ITGA1: variants seen among roughly 807,000 people sequenced by gnomAD.
The protein encoded by ITGA1 is integrin alpha-1.
In ITGA1, 85 loss-of-function variants were observed where a neutral mutation model predicts 145.9. That is an observed-to-expected ratio of 0.58 (90% CI 0.49 to 0.70). ITGA1 has a LOEUF of 0.70. Among genes scored for constraint, ITGA1 ranks in the 30% least tolerant of loss-of-function variants. The pLI, the probability that ITGA1 is intolerant of heterozygous loss-of-function variation, is 0.00. For synonymous variants in ITGA1, 520 were observed against 495.3 expected (o/e 1.05, Z -0.66); for missense variants, 1,351 against 1,418.7 (o/e 0.95, Z 0.77).
At chr5:52,896,816 T>C (rs1018111677) in intron 9 of ITGA1, among the ~76,000 whole-genome samples, 4 of 152,144 alleles carry the variant, frequency 2.6e-5, no homozygotes, top group East Asian at 1.9e-4. Flanking sequence ...ACAGGATCTT[T>C]TAAAAATGTA....
chr5:52,834,651 AAAAGAAAGAGAAAGAAAG>A (rs902077282), intron 1 of ITGA1, among the ~76,000 whole-genome samples: 10 of 151,008 alleles, frequency 6.6e-5, no homozygotes, highest in Non-Finnish European at 1.3e-4. Context: ...GAAAGAAAGA[AAAAGAAAGAGAAAGAAAG>A]AAAGAAAGAG....
At chr5:52,915,652 G>C in intron 15 of ITGA1, 58 bp downstream of exon 15, 1 of 1,582,500 alleles carries the variant, frequency 6.3e-7, no homozygotes, top group Non-Finnish European at 8.6e-7. Context: ...AGAGCTCCCA[G>C]TGTGATTGGA....
At chr5:52,801,176 T>C in intron 1 of ITGA1, 2 of 1,486,526 alleles carry the variant, frequency 1.3e-6, no homozygotes, top group Non-Finnish European at 1.8e-6. Flanking sequence ...TGGTATAAAC[T>C]ACTCCTAAAG....
chr5:52,801,611 C>T, intron 1 of ITGA1: 1 of 1,613,786 alleles, frequency 6.2e-7, no homozygotes, highest in Non-Finnish European at 8.5e-7. Flanking sequence ...GCAATTGACA[C>T]ATTGCTCATC....
intron 8 of ITGA1, among the ~76,000 whole-genome samples, chr5:52,889,408 G>C (rs11745366): frequency 0.48 from 73,588 of 152,064 alleles, 18,137 homozygotes; most frequent in South Asian, 0.58. Context: ...AGCCCACTAT[G>C]CATTTAATGA....
chr5:52,804,883 G>T (rs757772990), intron 1 of ITGA1, among the ~76,000 whole-genome samples: 1 of 152,122 alleles, frequency 6.6e-6, no homozygotes, highest in East Asian at 1.9e-4. Flanking sequence ...CTTGAGGAGA[G>T]ATGAACCCTT....
intron 26 of ITGA1, among the ~76,000 whole-genome samples, chr5:52,941,578 T>C (rs1751055098): frequency 6.6e-6 from 1 of 152,230 alleles, no homozygotes; most frequent in Admixed American, 6.5e-5. Context: ...TATGTCATGT[T>C]TTAAGGAGTC....
chr5:52,881,351 G>A (rs1749954678), intron 6 of ITGA1, among the ~76,000 whole-genome samples: 1 of 152,088 alleles, frequency 6.6e-6, no homozygotes, highest in Non-Finnish European at 1.5e-5. Context: ...AGTTTCCCCT[G>A]TATGGACGCT....
chr5:52,862,109 T>C (rs1200496268), intron 3 of ITGA1, among the ~76,000 whole-genome samples: 1 of 150,918 alleles, frequency 6.6e-6, no homozygotes, highest in Non-Finnish European at 1.5e-5. Flanking sequence ...TCCCAGCTAC[T>C]TAGGAGGCTG....
intron 2 of ITGA1, among the ~76,000 whole-genome samples, chr5:52,860,036 T>C (rs1580066626): frequency 6.6e-6 from 1 of 152,202 alleles, no homozygotes; most frequent in African/African-American, 2.4e-5. Context: ...CATCCTGCAC[T>C]GATATAAATA....
At position 52,864,993 on chromosome 5, in the gene ITGA1, A is replaced by G. The variant is rs138016036; in HGVS notation, c.407A>G (p.Tyr136Cys). ...AAGGCTTGTGGGCCCTTATATGCCT[A>G]TAGATGTGGACATTTGCATTACACA... ...GFLACGPLYA[Y>C]RCGHLHYTTG... The change falls in exon 5 of 29, where the codon TAT becomes TGT. Residue 136 changes from tyrosine to cysteine, a missense_variant. Tyr to Cys is a radical substitution (Grantham distance 194, BLOSUM62 -2). Transcript: ENST00000282588. The G allele has an allele frequency of 4.2e-5, 67 of 1,613,262 alleles. No homozygotes were observed. The Admixed American group carries it at 8.2e-4, about 20-fold the overall frequency.
chr5:52,911,806 A>G (rs1206431094), intron 14 of ITGA1, among the ~76,000 whole-genome samples: 5 of 136,844 alleles, frequency 3.7e-5, no homozygotes, highest in African/African-American at 1.3e-4. Context: ...TATATATACT[A>G]TATATGGTGT....
At chr5:52,807,089 G>T (rs1048632461) in intron 1 of ITGA1, among the ~76,000 whole-genome samples, 1 of 150,828 alleles carries the variant, frequency 6.6e-6, no homozygotes, top group Non-Finnish European at 1.5e-5. Flanking sequence ...TTCAATGGAA[G>T]TGCCTGTTTT....
At chr5:52,800,193 G>A in intron 1 of ITGA1, 1 of 596,970 alleles carries the variant, frequency 1.7e-6, no homozygotes, top group Non-Finnish European at 3.0e-6. Flanking sequence ...AGCGCGCCGG[G>A]AGACTGAGAG....
intron 2 of ITGA1, among the ~76,000 whole-genome samples, chr5:52,858,798 T>C (rs57709131): frequency 0.07 from 10,711 of 152,170 alleles, 619 homozygotes; most frequent in African/African-American, 0.16. Flanking sequence ...CTAATAATAA[T>C]AAGAACTAAC....
At chr5:52,856,423 T>C (rs975374574) in intron 2 of ITGA1, among the ~76,000 whole-genome samples, 2 of 152,144 alleles carry the variant, frequency 1.3e-5, no homozygotes, top group African/African-American at 4.8e-5. Context: ...CTTATATTTG[T>C]TCTATTCAGA....
At chr5:52,923,810 C>T (rs1750765117) in intron 18 of ITGA1, among the ~76,000 whole-genome samples, 1 of 152,176 alleles carries the variant, frequency 6.6e-6, no homozygotes, top group Non-Finnish European at 1.5e-5. Flanking sequence ...TAAAGGGTGT[C>T]CTCACGCTGA....
In ITGA1 at chr5:52,905,856, A is replaced by G; in HGVS notation, c.1403A>G (p.Tyr468Cys). The G allele has an allele frequency of 6.2e-7, 1 of 1,613,624 alleles. No individual in the cohort carries two copies. The change falls in exon 12 of 29, where the codon TAC becomes TGC. Residue 468 changes from tyrosine (Y) to cysteine (C), a missense_variant. Transcript: ENST00000282588. ...RYNHTGQVII[Y>C]RMEDGNIKIL... Reference sequence around the variant, plus strand: ...AATCATACAGGCCAGGTCATTATCTACAGGATGGAAGATGGAAACATCAAA... The same window carrying G: ...AATCATACAGGCCAGGTCATTATCTGCAGGATGGAAGATGGAAACATCAAA...
intron 17 of ITGA1, among the ~76,000 whole-genome samples, chr5:52,921,809 G>A (rs1045780588): frequency 1.3e-5 from 2 of 152,124 alleles, no homozygotes; most frequent in Non-Finnish European, 2.9e-5. Flanking sequence ...CTTTGGCAAC[G>A]TCGTTTGGTC....
Sources: gnomAD v4.1 joint callset for allele counts (sites outside exome capture counted in the v4.1 genomes callset) on GRCh38, gnomAD v4.1.1 for gene constraint, MANE v1.5 for transcripts, NCBI Gene and HGNC (gene_info 2026-07-23, HGNC 2026-07-21) for gene names.